NOS1: variants seen among roughly 807,000 people sequenced by gnomAD.
NOS1 encodes the protein NOS type I.
In NOS1, 51 loss-of-function variants were observed where a neutral mutation model predicts 164.5. The observed-to-expected ratio is 0.31, with a 90% CI of 0.25 to 0.39. The LOEUF (loss-of-function observed/expected upper bound fraction) is 0.39. NOS1 is among the 10% of genes least tolerant of loss of function. The pLI is 1.00. For missense variants in NOS1, 1,362 were observed against 1,885.6 expected, an observed-to-expected ratio of 0.72 and a Z score of 5.14; for synonymous variants, 719 against 745.8, an observed-to-expected ratio of 0.96 and a Z score of 0.59.
intron 10 of NOS1, among the ~76,000 whole-genome samples, chr12:117,271,007 C>T (rs1872749848): frequency 6.6e-6 from 1 of 152,156 alleles, no homozygotes; most frequent in Non-Finnish European, 1.5e-5. Context: ...CGCACCACTG[C>T]ATTCAAGCCT....
At chr12:117,281,930 C>T (rs1467960728) in intron 7 of NOS1, among the ~76,000 whole-genome samples, 1 of 151,950 alleles carries the variant, frequency 6.6e-6, no homozygotes, top group Non-Finnish European at 1.5e-5. Flanking sequence ...CCCTCCTTAC[C>T]AAACCAAAGT....
At chr12:117,244,036 AT>A (rs1365194795) in intron 18 of NOS1, among the ~76,000 whole-genome samples, 7 of 152,258 alleles carry the variant, frequency 4.6e-5, no homozygotes, top group African/African-American at 1.7e-4. Context: ...TGCGTCATTT[AT>A]TCCTAAAACT....
intron 1 of NOS1, among the ~76,000 whole-genome samples, chr12:117,355,205 C>T (rs538064473): frequency 1.3e-5 from 2 of 152,148 alleles, no homozygotes; most frequent in African/African-American, 2.4e-5. Flanking sequence ...CAGGAAATCC[C>T]AGTCTTAGTA....
intron 16 of NOS1, among the ~76,000 whole-genome samples, chr12:117,254,963 T>C (rs114251114): frequency 6.6e-6 from 1 of 152,174 alleles, no homozygotes; most frequent in South Asian, 2.1e-4. Context: ...ACGCCTGGCA[T>C]GGAAAGAGAC....
At position 117,318,580 on chromosome 12, in the gene NOS1, C is replaced by T. The variant is rs1874770000; in HGVS notation, c.726-6988G>A. On this transcript the variant is annotated intron_variant, in intron 2 of 28. Coordinates refer to ENST00000317775, the MANE Select transcript of NOS1 (RefSeq NM_000620.5). ...CTTTGCCAGATCCTTCCAACTGAGGCTTCCTAAGAACCAGGTTCCCCGACC... is the reference window on the plus strand; with the variant it reads ...CTTTGCCAGATCCTTCCAACTGAGGTTTCCTAAGAACCAGGTTCCCCGACC... 2.0e-5 allele frequency among the ~76,000 whole-genome samples: 3 copies of T among 152,208 alleles called. No homozygotes were observed. The South Asian group carries it at 6.2e-4, about 32-fold the overall frequency.
intron 22 of NOS1, among the ~76,000 whole-genome samples, chr12:117,231,257 G>T (rs1033098408): frequency 2.0e-5 from 3 of 151,940 alleles, no homozygotes; most frequent in African/African-American, 7.3e-5. Flanking sequence ...AATGGAGGTT[G>T]CAGTGAACCG....
chr12:117,239,597 G>A (rs1247320595), intron 20 of NOS1, among the ~76,000 whole-genome samples: 1 of 152,188 alleles, frequency 6.6e-6, no homozygotes, highest in Non-Finnish European at 1.5e-5. Flanking sequence ...CTCTCACAGG[G>A]GGATTAGTGA....
At position 117,211,434 on chromosome 12, in the gene NOS1, C is replaced by T; in HGVS notation, c.*3875G>A. The T allele has an allele frequency of 1.0e-6, 1 of 985,376 alleles. No individual in the cohort carries two copies. The highest frequency in any genetic ancestry group is 1.2e-6 in the Non-Finnish European group (1 of 829,968). The allele number at this position is 985,376 out of a possible 1,614,324, so 61.0% of individuals were successfully genotyped here. On this transcript the variant is annotated 3_prime_UTR_variant, in exon 29 of 29. Coordinates refer to ENST00000317775, the MANE Select transcript of NOS1 (RefSeq NM_000620.5). Reference sequence around the variant, plus strand: ...AACGGGCCATGCTCTGTACTGTGGCCAGAACTTTCTTTTCCAAGTATAACT... The same window carrying T: ...AACGGGCCATGCTCTGTACTGTGGCTAGAACTTTCTTTTCCAAGTATAACT...
intron 2 of NOS1, among the ~76,000 whole-genome samples, chr12:117,329,658 C>G (rs1875430808): frequency 6.6e-6 from 1 of 152,114 alleles, no homozygotes; most frequent in South Asian, 2.1e-4. Context: ...GCCAGCTTTC[C>G]ACCTGCAGAG....
chr12:117,258,291 G>T lies in NOS1; in HGVS notation c.2531+106C>A, dbSNP rs1592958491. The T allele has an allele frequency of 5.3e-6, 6 of 1,134,992 alleles. No homozygotes were observed. In the East Asian group the frequency reaches 9.6e-5, roughly 18 times the overall value. 70.3% of individuals were successfully genotyped at this position (1,134,992 alleles called of 1,614,324 possible). A position where few individuals can be genotyped will look rare whatever the true frequency, so the allele number is the denominator to read the frequency against. On this transcript the variant is annotated intron_variant, in intron 16 of 28. Transcript: ENST00000317775. ...TAAGACCCATTACAAATGGACTTCA[G>T]ATTACAGCCACCATCCAGAACTCAA... is the stretch of plus-strand genomic sequence containing the variant.
chr12:117,330,521 TG>T lies in NOS1; in HGVS notation c.548del (p.Pro183GlnfsTer27). 1 of 1,613,854 alleles carries T rather than the reference TG, an allele frequency of 6.2e-7. No homozygotes were observed. On this transcript the variant is annotated frameshift_variant, in exon 2 of 29. Transcript: ENST00000317775. LOFTEE classifies it high-confidence loss of function. The surrounding 1 kb of genome is among the most constrained non-coding windows in gnomAD (Gnocchi z 4.6). The part of the protein sequence containing the change: ...PHANGLAPRP[P>X]GQDPAKKATR... ...TTGCTTTCTTCGCGGGGTCCTGGCC[TG>T]GGGGCCTGGGGGCCAGGCCGTTGGC...
intron 20 of NOS1, among the ~76,000 whole-genome samples, chr12:117,236,266 T>C (rs2135945636): frequency 6.6e-6 from 1 of 152,250 alleles, no homozygotes; most frequent in East Asian, 1.9e-4. Context: ...GTTTCTATAT[T>C]CTCTATGGTA....
Position 117,222,784 on chromosome 12 carries a change from C to A in NOS1, c.3906G>T (p.Leu1302=). 6.2e-7 allele frequency: 1 copy of A among 1,613,980 alleles called. No individual in the cohort carries two copies. Among genetic ancestry groups the A allele is most frequent in the Non-Finnish European group, 8.5e-7 (1 of 1,179,982 alleles). The change falls in exon 26 of 29, where the codon CTG becomes CTT. Residue 1302 remains leucine, a synonymous_variant. Transcript: ENST00000317775. ...KIDHIYREET[L]QAKNKGVFRE... ...TGAAGACCCCCTTGTTCTTGGCCTG[C>A]AGGGTCTCTTCCCTGTAGATATGAT... is the stretch of plus-strand genomic sequence containing the variant.
chr12:117,267,507 G>T (rs1266840455), intron 11 of NOS1, among the ~76,000 whole-genome samples: 1 of 151,688 alleles, frequency 6.6e-6, no homozygotes, highest in African/African-American at 2.4e-5. Flanking sequence ...GAATTGCTTG[G>T]ACCCGGGAGG....
intron 7 of NOS1, among the ~76,000 whole-genome samples, chr12:117,281,778 C>T (rs915796877): frequency 1.4e-5 from 2 of 146,460 alleles, no homozygotes; most frequent in African/African-American, 5.1e-5. Flanking sequence ...TGCAGTGAGC[C>T]GGGATCACAC....
intron 1 of NOS1, among the ~76,000 whole-genome samples, chr12:117,350,206 T>C (rs560881708): frequency 2.0e-5 from 3 of 152,194 alleles, no homozygotes; most frequent in Non-Finnish European, 4.4e-5. Context: ...AAAACCTTGC[T>C]TTGAAATCTA....
rs1168598600 is a variant in NOS1 at position 117,234,112 on chromosome 12, G to A, written c.3235+453C>T. 1.3e-5 allele frequency among the ~76,000 whole-genome samples: 2 copies of A among 152,112 alleles called. No homozygotes were observed. The highest frequency in any genetic ancestry group is 2.9e-5 in the Non-Finnish European group (2 of 68,022). On this transcript the variant is annotated intron_variant, in intron 21 of 28. Transcript: ENST00000317775. This position sits in a 1 kb window ranked among gnomAD's most constrained non-coding sequence, Gnocchi z 4.3. ...AGCAGGCGAGAACTTGACCTAATGA[G>A]GTAAAAAACGTGGGCTCAATCCCTA... is the stretch of plus-strand genomic sequence containing the variant.
At position 117,210,810 on chromosome 12, in the gene NOS1, G is replaced by A. The variant is rs1003081717; in HGVS notation, c.*4499C>T. ...GGGTCAGTTTTCCCTCCGGGCATCTGGGCATGGCTGGACTTGGGAAGGATT... is the reference window on the plus strand; with the variant it reads ...GGGTCAGTTTTCCCTCCGGGCATCTAGGCATGGCTGGACTTGGGAAGGATT... On this transcript the variant is annotated 3_prime_UTR_variant, in exon 29 of 29. Coordinates refer to ENST00000317775, the MANE Select transcript of NOS1 (RefSeq NM_000620.5). 19 of 985,252 alleles carry A rather than the reference G, an allele frequency of 1.9e-5. No homozygotes were observed. In the African/African-American group the frequency reaches 3.0e-4, roughly 15 times the overall value. The allele number at this position is 985,252 out of a possible 1,614,324, so 61.0% of individuals were successfully genotyped here.
At chr12:117,286,931 C>G (rs7133438) in intron 5 of NOS1, among the ~76,000 whole-genome samples, 1 of 152,024 alleles carries the variant, frequency 6.6e-6, no homozygotes, top group Non-Finnish European at 1.5e-5. Context: ...TATAGGCATA[C>G]AGGCCGGGTA....
Sources: allele counts gnomAD v4.1 joint callset (sites outside exome capture counted in the v4.1 genomes callset), GRCh38; gene constraint gnomAD v4.1.1; non-coding constraint Gnocchi (gnomAD v3.1); transcripts MANE v1.5; gene names NCBI Gene and HGNC (gene_info 2026-07-23, HGNC 2026-07-21).